EPHA5: variants seen among roughly 807,000 people sequenced by gnomAD.
EPHA5 encodes the protein EPH receptor A5, also known as ephrin type-A receptor 5.
In EPHA5, 60 loss-of-function variants were observed where a neutral mutation model predicts 105.0. That is an observed-to-expected ratio of 0.57 (90% CI 0.46 to 0.71). The LOEUF is 0.71. EPHA5 is among the 30% of genes least tolerant of loss of function. The pLI, the probability that EPHA5 is intolerant of heterozygous loss-of-function variation, is 0.00. For missense variants in EPHA5, 1,218 were observed against 1,274.7 expected (o/e 0.96, Z 0.68); for synonymous variants, 513 against 449.1 (o/e 1.14, Z -1.80).
At chr4:65,456,099 T>A (rs1578155164) in intron 5 of EPHA5, among the ~76,000 whole-genome samples, 1 of 152,318 alleles carries the variant, frequency 6.6e-6, no homozygotes, top group Middle Eastern at 3.4e-3. Context: ...GAGAAACTTG[T>A]TAAAAGAACT....
intron 3 of EPHA5, among the ~76,000 whole-genome samples, chr4:65,579,150 G>A (rs1425248520): frequency 6.6e-6 from 1 of 151,374 alleles, no homozygotes; most frequent in South Asian, 2.1e-4. Context: ...TATTCAAAAA[G>A]GCTTATGGAA....
At chr4:65,364,599 C>A (rs1347197441) in intron 11 of EPHA5, among the ~76,000 whole-genome samples, 2 of 151,402 alleles carry the variant, frequency 1.3e-5, no homozygotes, top group African/African-American at 4.8e-5. Context: ...ACAAAATGAA[C>A]CTGGCCATAA....
intron 2 of EPHA5, among the ~76,000 whole-genome samples, chr4:65,602,686 C>T (rs1418801484): frequency 6.6e-6 from 1 of 151,502 alleles, no homozygotes; most frequent in Admixed American, 6.6e-5. Flanking sequence ...TAAAGTTCAG[C>T]ATATACATAA....
chr4:65,639,206 G>GA (rs1004030738), intron 2 of EPHA5, among the ~76,000 whole-genome samples: 18 of 152,228 alleles, frequency 1.2e-4, no homozygotes, highest in East Asian at 5.8e-4. Flanking sequence ...AGTTTTCTCA[G>GA]AAAAAATATG....
intron 2 of EPHA5, among the ~76,000 whole-genome samples, chr4:65,608,102 T>G (rs1403129917): frequency 6.6e-6 from 1 of 152,156 alleles, no homozygotes; most frequent in East Asian, 1.9e-4. Context: ...CTAATGTAGA[T>G]GATGGGTTGA....
intron 1 of EPHA5, among the ~76,000 whole-genome samples, chr4:65,658,054 C>T (rs1338272519): frequency 6.6e-6 from 1 of 151,876 alleles, no homozygotes; most frequent in East Asian, 1.9e-4. Context: ...ATCTCTATTT[C>T]CAGCAAAGAT....
At chr4:65,443,945 G>A (rs908322234) in intron 5 of EPHA5, among the ~76,000 whole-genome samples, 6 of 151,972 alleles carry the variant, frequency 3.9e-5, no homozygotes, top group South Asian at 2.1e-4. Flanking sequence ...ACGTGTGCAC[G>A]CGCACATGCG....
chr4:65,432,481 G>A (rs545064521), intron 5 of EPHA5, among the ~76,000 whole-genome samples: 1 of 152,240 alleles, frequency 6.6e-6, no homozygotes, highest in South Asian at 2.1e-4. Context: ...TGAAACCTTT[G>A]TTGAAAATCA....
In EPHA5 at chr4:65,322,983, A is replaced by T. The variant is rs952753406; in HGVS notation, c.*1131T>A. On this transcript the variant is annotated 3_prime_UTR_variant, in exon 17 of 17. Coordinates refer to ENST00000613740, the MANE Select transcript of EPHA5 (RefSeq NM_001281766.3). Reference sequence around the variant, plus strand: ...TATGTGCCTGGATTTAACAACATTAACAGAAGCCTGCACAGTTAAATCCTT... The same window carrying T: ...TATGTGCCTGGATTTAACAACATTATCAGAAGCCTGCACAGTTAAATCCTT... 1 of 229,206 alleles carries T rather than the reference A, an allele frequency of 4.4e-6. No individual in the cohort carries two copies. Among genetic ancestry groups the T allele is most frequent in the African/African-American group, 2.2e-5 (1 of 45,164 alleles). 14.2% of individuals were successfully genotyped at this position (229,206 alleles called of 1,614,324 possible).
At chr4:65,643,558 A>G (rs1255936702) in intron 1 of EPHA5, 131 bp from the exon 2 acceptor site, 1 of 606,622 alleles carries the variant, frequency 1.6e-6, no homozygotes, top group South Asian at 2.4e-5. Context: ...TGATGAATAC[A>G]ATGGGTATAA....
intron 11 of EPHA5, among the ~76,000 whole-genome samples, chr4:65,360,320 G>A (rs370164597): frequency 4.0e-5 from 6 of 151,716 alleles, no homozygotes; most frequent in East Asian, 3.9e-4. Flanking sequence ...GTAAGAATAG[G>A]CATATATTAG....
intron 3 of EPHA5, among the ~76,000 whole-genome samples, chr4:65,592,314 G>A (rs1019336728): frequency 6.6e-6 from 1 of 152,108 alleles, no homozygotes; most frequent in Non-Finnish European, 1.5e-5. Flanking sequence ...CTGGAGTGGT[G>A]AGTGCCAGAG....
intron 2 of EPHA5, among the ~76,000 whole-genome samples, chr4:65,638,171 T>C (rs900588451): frequency 6.6e-6 from 1 of 152,156 alleles, no homozygotes; most frequent in Non-Finnish European, 1.5e-5. Context: ...ATTCATACAA[T>C]TGCTTTTTTA....
intron 3 of EPHA5, among the ~76,000 whole-genome samples, chr4:65,540,221 G>A (rs1272001733): frequency 1.3e-5 from 2 of 151,520 alleles, no homozygotes; most frequent in Admixed American, 6.6e-5. Context: ...CCTAAAGCCT[G>A]AATACTATTT....
At chr4:65,496,738 C>T (rs552009925) in intron 3 of EPHA5, among the ~76,000 whole-genome samples, 6 of 152,190 alleles carry the variant, frequency 3.9e-5, no homozygotes, top group South Asian at 2.1e-4. Flanking sequence ...CCTTTGGGTA[C>T]ATACCCAGTA....
intron 14 of EPHA5, among the ~76,000 whole-genome samples, chr4:65,343,138 A>G (rs78015214): frequency 0.11 from 17,341 of 152,186 alleles, 1,147 homozygotes; most frequent in African/African-American, 0.17. Context: ...CTAAAAATAA[A>G]AATACAACAA....
rs530703236 is a variant in EPHA5, at chr4:65,619,831, T to C, written c.247-17527A>G. Among the ~76,000 whole-genome samples the C allele has an allele frequency of 1.9e-3, 290 of 152,054 alleles. 3 individuals are homozygous for C. Among genetic ancestry groups the C allele is most frequent in the African/African-American group, 6.7e-3 (277 of 41,554 alleles). On this transcript the variant is annotated intron_variant, in intron 2 of 16. Transcript: ENST00000613740. ...TCCAGAAAAATTAGCTTAGAATTTTTACATGTAAAATCTACTGTTTTTCTC... is the reference window on the plus strand; with the variant it reads ...TCCAGAAAAATTAGCTTAGAATTTTCACATGTAAAATCTACTGTTTTTCTC...
intron 8 of EPHA5, among the ~76,000 whole-genome samples, chr4:65,379,221 A>G (rs1280024422): frequency 6.6e-6 from 1 of 151,746 alleles, no homozygotes; most frequent in Non-Finnish European, 1.5e-5. Flanking sequence ...ATAACATTTT[A>G]TAAAGTTATC....
intron 5 of EPHA5, among the ~76,000 whole-genome samples, chr4:65,489,173 G>T (rs138517317): frequency 7.9e-5 from 12 of 151,872 alleles, no homozygotes; most frequent in African/African-American, 1.5e-4. Flanking sequence ...CTGGGATTAC[G>T]GGCGTGAGCC....
Sources: allele counts gnomAD v4.1 joint callset (sites outside exome capture counted in the v4.1 genomes callset), GRCh38; gene constraint gnomAD v4.1.1; transcripts MANE v1.5; gene names NCBI Gene and HGNC (gene_info 2026-07-23, HGNC 2026-07-21).